The following PITPNM2 variants were observed in gnomAD, a reference collection of about 807,000 sequenced individuals.
The protein encoded by PITPNM2 is phosphatidylinositol transfer protein membrane associated 2, also known as membrane-associated phosphatidylinositol transfer protein 2.
PITPNM2 carries 35 observed loss-of-function variants against 132.2 expected under a neutral mutation model. The observed-to-expected ratio is 0.26, with a 90% CI of 0.20 to 0.35. The LOEUF (loss-of-function observed/expected upper bound fraction) is 0.35. Ranked by LOEUF, PITPNM2 falls within the 10% of genes least tolerant of loss-of-function variation. The pLI, the probability that PITPNM2 is intolerant of heterozygous loss-of-function variation, is 1.00. For synonymous variants in PITPNM2, 738 were observed against 799.2 expected (o/e 0.92, Z 1.29); for missense variants, 1,332 against 1,912.0 (o/e 0.70, Z 5.66).
chr12:123,005,598 C>A lies in PITPNM2; in HGVS notation c.644-50G>T. On this transcript the variant is annotated intron_variant, in intron 6 of 25. Coordinates refer to ENST00000320201, the MANE Select transcript of PITPNM2 (RefSeq NM_020845.3). This position sits in a 1 kb window ranked among gnomAD's most constrained non-coding sequence, Gnocchi z 6.2. ...GGAGAGACGAGGGGAGGGAGGTCAG[C>A]GCAGGAGCCTGCACGGAAGTGTGGG... 2 of 1,565,574 alleles carry A rather than the reference C, an allele frequency of 1.3e-6. No individual in the cohort carries two copies. The highest frequency in any genetic ancestry group is 8.7e-7 in the Non-Finnish European group (1 of 1,151,680).
intron 2 of PITPNM2, among the ~76,000 whole-genome samples, chr12:123,066,704 T>C (rs979611463): frequency 6.6e-6 from 1 of 152,206 alleles, no homozygotes; most frequent in Admixed American, 6.5e-5. Context: ...GGGTCTTGAT[T>C]GACTTTTTGG....
intron 13 of PITPNM2, among the ~76,000 whole-genome samples, chr12:122,996,243 C>T (rs1356549283): frequency 6.6e-6 from 1 of 152,248 alleles, no homozygotes; most frequent in Non-Finnish European, 1.5e-5. Flanking sequence ...TGAGCTCTGG[C>T]AGCAGGGTTG....
chr12:123,007,405 T>G (rs1296590839), intron 6 of PITPNM2: 1 of 456,476 alleles, frequency 2.2e-6, no homozygotes, highest in Non-Finnish European at 4.4e-6. Flanking sequence ...AGAACAGGCA[T>G]GGGGATTTCT....
At chr12:123,104,940 G>A (rs1194201644) in intron 2 of PITPNM2, among the ~76,000 whole-genome samples, 1 of 152,012 alleles carries the variant, frequency 6.6e-6, no homozygotes, top group East Asian at 1.9e-4. Flanking sequence ...AAACATTTCC[G>A]AAGCTTCAGG....
In PITPNM2 at chr12:122,989,852, G is replaced by A. The variant is rs1356425361; in HGVS notation, c.2666C>T (p.Pro889Leu). The A allele has an allele frequency of 7.2e-7, 1 of 1,396,736 alleles. No homozygotes were observed. The highest frequency in any genetic ancestry group is 9.3e-7 in the Non-Finnish European group (1 of 1,072,034). 86.5% of individuals were successfully genotyped at this position (1,396,736 alleles called of 1,614,324 possible). A position where few individuals can be genotyped will look rare whatever the true frequency, so the allele number is the denominator to read the frequency against. ...CAGGCCAGGGCTTGCCTTCCTGGCT[G>A]GAGGGTGGGGGCCAGGGGTGGTGGG... ...PSPTTPGPHP[P>L]ARKASPGLER... is the part of the protein sequence containing the mutation. The change falls in exon 18 of 26, where the codon CCA becomes CTA. Residue 889 changes from proline to leucine, a missense_variant. By Grantham distance (98) the Pro-to-Leu change is moderately conservative. Transcript: ENST00000320201.
At chr12:123,136,376 G>A (rs1358895779) in intron 1 of PITPNM2, among the ~76,000 whole-genome samples, 1 of 151,962 alleles carries the variant, frequency 6.6e-6, no homozygotes, top group East Asian at 1.9e-4. Flanking sequence ...TGGTGTTAAA[G>A]AAAAGGGCCT....
intron 1 of PITPNM2, among the ~76,000 whole-genome samples, chr12:123,142,893 A>T (rs1366478341): frequency 1.3e-5 from 2 of 152,152 alleles, no homozygotes; most frequent in South Asian, 2.1e-4. Flanking sequence ...AAAAAAAAAA[A>T]AAAGCAAGTG....
At chr12:123,001,230 G>A (rs996578669) in intron 8 of PITPNM2, 72 bp from the exon 9 acceptor site, 30 of 1,217,436 alleles carry the variant, frequency 2.5e-5, no homozygotes, top group Non-Finnish European at 3.2e-5. Flanking sequence ...AGGTGGGGAC[G>A]CCCCTGTGTA....
chr12:123,049,306 C>T (rs966099625), intron 2 of PITPNM2, among the ~76,000 whole-genome samples: 9 of 152,170 alleles, frequency 5.9e-5, no homozygotes, highest in Non-Finnish European at 1.3e-4. Context: ...CTTCACCCTG[C>T]CTTGTCTCCT....
intron 2 of PITPNM2, among the ~76,000 whole-genome samples, chr12:123,066,559 G>A (rs1185735751): frequency 6.6e-6 from 1 of 152,168 alleles, no homozygotes; most frequent in East Asian, 1.9e-4. Context: ...ACTGAGAGCT[G>A]GGAGACAGAC....
Position 123,023,674 on chromosome 12 carries a change from A to G in PITPNM2, c.79-9632T>C, listed in dbSNP as rs532957961. Among the ~76,000 whole-genome samples, 81 of 152,200 alleles carry G rather than the reference A, an allele frequency of 5.3e-4. No homozygotes were observed. The highest frequency in any genetic ancestry group is 1.1e-3 in the Non-Finnish European group (72 of 68,036). ...TCCTAAATGTAAGGGCTCAAACTAT[A>G]AAACTCTTAAGAGAAAACATAGGCA... On this transcript the variant is annotated intron_variant, in intron 3 of 25. Transcript: ENST00000320201. The surrounding 1 kb of genome is among the most constrained non-coding windows in gnomAD (Gnocchi z 4.8).
intron 2 of PITPNM2, among the ~76,000 whole-genome samples, chr12:123,038,565 G>A (rs184274569): frequency 1.3e-5 from 2 of 152,382 alleles, no homozygotes; most frequent in African/African-American, 4.8e-5. Flanking sequence ...CATGGAAGGC[G>A]GAGCCAGGCT....
chr12:123,074,320 A>T (rs576590796), intron 2 of PITPNM2, among the ~76,000 whole-genome samples: 2 of 152,310 alleles, frequency 1.3e-5, no homozygotes, highest in South Asian at 4.1e-4. Context: ...TGCTCTGGGA[A>T]TTGAAGCAGA....
chr12:123,128,605 T>C (rs1350964726), intron 1 of PITPNM2, among the ~76,000 whole-genome samples: 2 of 149,734 alleles, frequency 1.3e-5, no homozygotes, highest in African/African-American at 4.9e-5. Context: ...TACAAAAAAT[T>C]AGCTGGCCAT....
At chr12:122,997,611 C>T (rs750055635) in intron 10 of PITPNM2, 39 bp from the exon 11 acceptor site, 14 of 1,588,068 alleles carry the variant, frequency 8.8e-6, no homozygotes, top group African/African-American at 1.3e-5. Flanking sequence ...CCCCAGGGAA[C>T]CCAGCTCCTT....
rs892242252 is a variant in PITPNM2, at chr12:123,078,932, C to T, written c.-96+31453G>A. On this transcript the variant is annotated intron_variant, in intron 2 of 25. Coordinates refer to ENST00000320201, the MANE Select transcript of PITPNM2 (RefSeq NM_020845.3). The surrounding 1 kb of genome is among the most constrained non-coding windows in gnomAD (Gnocchi z 7.3). ...GAAAGCCACGAGACCTCAGTGGGGT[C>T]GCAGTCTCTCTTCTTGGAGATCACA... Among the ~76,000 whole-genome samples, 4 of 152,216 alleles carry T rather than the reference C, an allele frequency of 2.6e-5. No homozygotes were observed. The highest frequency in any genetic ancestry group is 1.3e-4 in the Admixed American group (2 of 15,290).
chr12:123,142,827 ACC>A (rs2043533189), intron 1 of PITPNM2, among the ~76,000 whole-genome samples: 1 of 151,780 alleles, frequency 6.6e-6, no homozygotes. Context: ...CAGTGTGATT[ACC>A]CACATGGGAA....
chr12:123,069,878 C>G (rs1566277239), intron 2 of PITPNM2, among the ~76,000 whole-genome samples: 1 of 152,226 alleles, frequency 6.6e-6, no homozygotes. Flanking sequence ...TTCCAGGCCC[C>G]TTCCTGGAAC....
rs1273530875 is a variant in PITPNM2 at position 123,005,301 on chromosome 12, C to T, written c.891G>A (p.Gly297=). ...TGGACCACTGTTTCTTGAGGCCGCG[C>T]CCCACTAGGGGCTCCCCATTGCTGC... ...PSSSNGEPLV[G]RGLKKQWSTS... The change falls in exon 7 of 26, where the codon GGG becomes GGA. Residue 297 remains glycine, a synonymous_variant. Coordinates refer to ENST00000320201, the MANE Select transcript of PITPNM2 (RefSeq NM_020845.3). This position sits in a 1 kb window ranked among gnomAD's most constrained non-coding sequence, Gnocchi z 6.2. The T allele has an allele frequency of 1.2e-6, 2 of 1,613,886 alleles. No homozygotes were observed. Among genetic ancestry groups the T allele is most frequent in the Non-Finnish European group, 1.7e-6 (2 of 1,180,000 alleles).
Sources: allele counts gnomAD v4.1 joint callset (sites outside exome capture counted in the v4.1 genomes callset), GRCh38; gene constraint gnomAD v4.1.1; non-coding constraint Gnocchi (gnomAD v3.1); transcripts MANE v1.5; gene names NCBI Gene and HGNC (gene_info 2026-07-23, HGNC 2026-07-21).